The following PHF14 variants were observed in gnomAD, a reference collection of about 807,000 sequenced individuals.
PHF14 encodes the protein PHD finger protein 14.
In PHF14, 55 loss-of-function variants were observed where a neutral mutation model predicts 117.9. The ratio of observed to expected loss-of-function variants is 0.47; its 90% CI spans 0.38 to 0.58. The LOEUF is 0.58. PHF14 is among the 20% of genes least tolerant of loss of function. The pLI is 0.00. For missense variants in PHF14, 978 were observed against 1,122.2 expected, an observed-to-expected ratio of 0.87 and a Z score of 1.84; for synonymous variants, 409 against 368.6, an observed-to-expected ratio of 1.11 and a Z score of -1.26.
chr7:10,989,788 G>A (rs1368130927), intron 3 of PHF14, among the ~76,000 whole-genome samples: 1 of 151,896 alleles, frequency 6.6e-6, no homozygotes, highest in East Asian at 1.9e-4. Context: ...GCATCACCAC[G>A]CCCAGCTAAT....
chr7:11,093,213 C>A (rs1786710876), intron 16 of PHF14, among the ~76,000 whole-genome samples: 2 of 152,212 alleles, frequency 1.3e-5, no homozygotes. Context: ...TTTAATATCT[C>A]CGTCATCCCA....
At chr7:11,011,546 ACCT>A (rs1236731180) in intron 4 of PHF14, among the ~76,000 whole-genome samples, 1 of 152,200 alleles carries the variant, frequency 6.6e-6, no homozygotes, top group Non-Finnish European at 1.5e-5. Context: ...CTTAGAATAA[ACCT>A]GGTCAAAAGG....
At chr7:11,038,914 GA>G (rs1784408611) in intron 11 of PHF14, 59 bp downstream of exon 11, 2 of 755,208 alleles carry the variant, frequency 2.6e-6, no homozygotes, top group Non-Finnish European at 4.3e-6. Flanking sequence ...GATTTTCAAA[GA>G]ACAGATTTTT....
intron 16 of PHF14, chr7:11,103,252 T>C (rs1416343241): frequency 1.1e-6 from 1 of 890,174 alleles, no homozygotes; most frequent in East Asian, 1.2e-4. Context: ...GATATATCTG[T>C]GTTGATCTCT....
At chr7:11,143,948 TG>T (rs1323240934) in intron 17 of PHF14, among the ~76,000 whole-genome samples, 1 of 151,506 alleles carries the variant, frequency 6.6e-6, no homozygotes, top group Non-Finnish European at 1.5e-5. Context: ...ACCTATAAAA[TG>T]GGAAAAAAAA....
chr7:11,038,193 C>T (rs966734144), intron 10 of PHF14, among the ~76,000 whole-genome samples: 4 of 151,990 alleles, frequency 2.6e-5, no homozygotes, highest in African/African-American at 9.7e-5. Flanking sequence ...GCAGGTGGAT[C>T]ACGAGGTCAA....
In PHF14 at chr7:10,999,014, T is replaced by G. The variant is rs144384831; in HGVS notation, c.1045+8167T>G. On this transcript the variant is annotated intron_variant, in intron 4 of 17. Transcript: ENST00000634607. ...TCGTACACATTTAGGATTTCAAGCT[T>G]CTTTTGCAAAGTTCTGGCGGCACTA... Among the ~76,000 whole-genome samples the G allele has an allele frequency of 2.7e-3, 411 of 152,318 alleles. 2 individuals are homozygous for G. Among genetic ancestry groups the G allele is most frequent in the African/African-American group, 9.2e-3 (384 of 41,562 alleles).
intron 14 of PHF14, among the ~76,000 whole-genome samples, chr7:11,060,660 T>C (rs928099441): frequency 5.9e-5 from 9 of 152,322 alleles, no homozygotes; most frequent in South Asian, 2.1e-4. Flanking sequence ...AGTCTCAGTA[T>C]TGTTCTTTGG....
intron 4 of PHF14, chr7:11,006,353 G>A (rs769295276): frequency 6.2e-4 from 254 of 411,754 alleles, no homozygotes; most frequent in Middle Eastern, 2.8e-3. Flanking sequence ...TTTTTTTTCT[G>A]GTGAAAACAT....
At chr7:10,980,972 T>C (rs1472924168) in intron 2 of PHF14, among the ~76,000 whole-genome samples, 7 of 152,324 alleles carry the variant, frequency 4.6e-5, no homozygotes, top group Non-Finnish European at 5.9e-5. Context: ...CCAAGTAAGC[T>C]ATGGATACCT....
intron 14 of PHF14, among the ~76,000 whole-genome samples, chr7:11,054,613 G>A (rs543287369): frequency 2.0e-5 from 3 of 152,114 alleles, no homozygotes; most frequent in African/African-American, 4.8e-5. Context: ...AGGTGGTATG[G>A]TGAAAAATGA....
chr7:11,097,035 A>G (rs1302516081), intron 16 of PHF14, among the ~76,000 whole-genome samples: 1 of 141,232 alleles, frequency 7.1e-6, no homozygotes, highest in Admixed American at 7.4e-5. Flanking sequence ...GCTGGAGTGC[A>G]ATGGCACGAT....
intron 17 of PHF14, among the ~76,000 whole-genome samples, chr7:11,119,126 A>G (rs1453360087): frequency 6.6e-6 from 1 of 151,908 alleles, no homozygotes; most frequent in African/African-American, 2.4e-5. Context: ...GTGATGAGAA[A>G]CTAAATCATA....
At chr7:11,160,370 T>A (rs1788989252) in intron 17 of PHF14, among the ~76,000 whole-genome samples, 1 of 152,186 alleles carries the variant, frequency 6.6e-6, no homozygotes, top group Admixed American at 6.5e-5. Context: ...AACATACAAA[T>A]GTGTGTGTCT....
At chr7:11,107,537 T>A (rs1177365889) in intron 16 of PHF14, 1 of 885,520 alleles carries the variant, frequency 1.1e-6, no homozygotes, top group Non-Finnish European at 1.4e-6. Context: ...ATGTGTACAG[T>A]GTTTATTAGA....
intron 11 of PHF14, among the ~76,000 whole-genome samples, chr7:11,039,292 T>G (rs1025635115): frequency 1.3e-5 from 2 of 152,144 alleles, no homozygotes; most frequent in Non-Finnish European, 2.9e-5. Flanking sequence ...AAACTAGAGA[T>G]ATTCATTTTT....
Position 11,036,539 on chromosome 7 carries a change from C to G in PHF14, c.1724C>G (p.Ala575Gly). 1 of 1,613,998 alleles carries G rather than the reference C, an allele frequency of 6.2e-7. No individual in the cohort carries two copies. The highest frequency in any genetic ancestry group is 8.5e-7 in the Non-Finnish European group (1 of 1,179,874). Residue 575 changes from alanine to glycine, a missense_variant, in exon 9 of 18, where the codon GCT (alanine) becomes GGT (glycine). Coordinates refer to ENST00000634607, the MANE Select transcript of PHF14 (RefSeq NM_001007157.2). Reference protein sequence around the residue: ...LPRPLTSSASAIRKLMRKAEL... With the variant: ...LPRPLTSSASGIRKLMRKAEL... Reference sequence around the variant, plus strand: ...AGACCACTCACCAGCAGTGCTTCAGCTATTCGTAAACTTATGCGGAAAGCA... The same window carrying G: ...AGACCACTCACCAGCAGTGCTTCAGGTATTCGTAAACTTATGCGGAAAGCA...
At chr7:11,103,579 T>G (rs1427408218) in intron 16 of PHF14, 1 of 984,344 alleles carries the variant, frequency 1.0e-6, no homozygotes, top group Non-Finnish European at 1.2e-6. Flanking sequence ...TTGCTGAAAT[T>G]GAATTGCACT....
At chr7:11,156,531 ATG>A (rs1341764417) in intron 17 of PHF14, among the ~76,000 whole-genome samples, 1 of 152,062 alleles carries the variant, frequency 6.6e-6, no homozygotes, top group Non-Finnish European at 1.5e-5. Context: ...GTGGTGGCTC[ATG>A]CCTGTAATCT....
Sources: gnomAD v4.1 joint callset for allele counts (sites outside exome capture counted in the v4.1 genomes callset) on GRCh38, gnomAD v4.1.1 for gene constraint, MANE v1.5 for transcripts, NCBI Gene and HGNC (gene_info 2026-07-23, HGNC 2026-07-21) for gene names.